The following NMUR2 variants were observed in gnomAD, a reference collection of about 807,000 sequenced individuals.
NMUR2 encodes the protein neuromedin-U receptor 2.
A neutral mutation model predicts 25.1 loss-of-function variants in NMUR2; 24 were observed. The observed-to-expected ratio is 0.96, with a 90% CI of 0.69 to 1.34. NMUR2 has a LOEUF of 1.34. Among genes scored for constraint, NMUR2 ranks in the 40% most tolerant of loss-of-function variants. The probability of loss-of-function intolerance (pLI) is 0.00; values close to 1 mark genes in which losing one functional copy is unlikely to be tolerated. For synonymous variants in NMUR2, 218 were observed against 208.1 expected (o/e 1.05, Z -0.41); for missense variants, 533 against 512.8 (o/e 1.04, Z -0.38).
intron 1 of NMUR2, among the ~76,000 whole-genome samples, chr5:152,403,120 A>G (rs1293772304): frequency 1.3e-5 from 2 of 152,128 alleles, no homozygotes; most frequent in Admixed American, 6.5e-5. Flanking sequence ...TAAAACTCAC[A>G]TTACTTCAGC....
At chr5:152,392,569 A>G in intron 3 of NMUR2, 68 bp from the exon 4 acceptor site, 2 of 1,272,994 alleles carry the variant, frequency 1.6e-6, no homozygotes, top group Non-Finnish European at 2.2e-6. Flanking sequence ...AGGAAGAAGC[A>G]TAAATATTTA....
chr5:152,392,551 C>A (rs758798417), intron 3 of NMUR2, 50 bp from the exon 4 acceptor site: 1 of 1,426,576 alleles, frequency 7.0e-7, no homozygotes, highest in South Asian at 1.3e-5. Context: ...CTTAAGTGAC[C>A]GGCATGAAGG....
chr5:152,391,830 T>G lies in NMUR2; in HGVS notation c.*361A>C. 1 of 185,392 alleles carries G rather than the reference T, an allele frequency of 5.4e-6. No homozygotes were observed. 11.5% of individuals were successfully genotyped at this position (185,392 alleles called of 1,614,324 possible). A position where few individuals can be genotyped will look rare whatever the true frequency, so the allele number is the denominator to read the frequency against. On this transcript the variant is annotated 3_prime_UTR_variant, in exon 4 of 4. Coordinates refer to ENST00000255262, the MANE Select transcript of NMUR2 (RefSeq NM_020167.5). ...TTCCTTCTGTGGCTCACAGTGGCCA[T>G]TGGTAGTAGGAGTGACAGCCTGACT...
At chr5:152,402,825 G>T (rs982207795) in intron 1 of NMUR2, among the ~76,000 whole-genome samples, 2 of 152,174 alleles carry the variant, frequency 1.3e-5, no homozygotes, top group Admixed American at 1.3e-4. Flanking sequence ...TGGGAATACA[G>T]GTGCTAGCCC....
Position 152,392,252 on chromosome 5 carries a change from G to C in NMUR2, c.1187C>G (p.Ala396Gly). 1 of 1,613,786 alleles carries C rather than the reference G, an allele frequency of 6.2e-7. No individual in the cohort carries two copies. Among genetic ancestry groups the C allele is most frequent in the Non-Finnish European group, 8.5e-7 (1 of 1,179,764 alleles). ...SSMHNSHLPA[A>G]LSSEQMSRTN... ...TCTTGACATCTGTTCACTAGAGAGGGCTGCTGGGAGGTGAGAGTTGTGCAT... is the reference window on the plus strand; with the variant it reads ...TCTTGACATCTGTTCACTAGAGAGGCCTGCTGGGAGGTGAGAGTTGTGCAT... The change falls in exon 4 of 4, where the codon GCC becomes GGC. Residue 396 changes from alanine (A) to glycine (G), a missense_variant. By Grantham distance (60) the Ala-to-Gly change is moderately conservative. Transcript: ENST00000255262.
chr5:152,404,767 G>A lies in NMUR2; in HGVS notation c.347C>T (p.Pro116Leu), dbSNP rs1403781385. Reference sequence around the variant, plus strand: ...GGCCGTCTTGAAGTAGCAGCCCACGGGCCCGAACAAGAAAGGGTAGTTGCG... The same window carrying A: ...GGCCGTCTTGAAGTAGCAGCCCACGAGCCCGAACAAGAAAGGGTAGTTGCG... ...MWRNYPFLFG[P>L]VGCYFKTALF... Residue 116 changes from proline to leucine, a missense_variant, in exon 1 of 4, where the codon CCC (proline) becomes CTC (leucine). Pro to Leu is a moderately conservative substitution (Grantham distance 98). Coordinates refer to ENST00000255262, the MANE Select transcript of NMUR2 (RefSeq NM_020167.5). The A allele has an allele frequency of 1.2e-6, 2 of 1,614,144 alleles. No individual in the cohort carries two copies. Among genetic ancestry groups the A allele is most frequent in the Non-Finnish European group, 1.7e-6 (2 of 1,180,032 alleles).
intron 1 of NMUR2, among the ~76,000 whole-genome samples, chr5:152,398,753 A>G (rs1254034999): frequency 6.6e-6 from 1 of 152,182 alleles, no homozygotes; most frequent in Non-Finnish European, 1.5e-5. Context: ...TGAGTAAACA[A>G]TATTTTCCCC....
chr5:152,396,458 A>G (rs17448511), intron 2 of NMUR2, among the ~76,000 whole-genome samples: 22,021 of 152,094 alleles, frequency 0.14, 2,084 homozygotes, highest in Admixed American at 0.24. Context: ...AGTATTATAC[A>G]TGCATTTCCT....
intron 1 of NMUR2, among the ~76,000 whole-genome samples, chr5:152,403,443 C>A (rs1753292350): frequency 1.3e-5 from 2 of 152,028 alleles, no homozygotes; most frequent in Admixed American, 6.6e-5. Flanking sequence ...CTAATTCCTA[C>A]CCTTATTAAA....
At chr5:152,404,329 T>C in intron 1 of NMUR2, 59 bp downstream of exon 1, 1 of 1,528,918 alleles carries the variant, frequency 6.5e-7, no homozygotes, top group South Asian at 1.3e-5. Flanking sequence ...TTCTCTGAAC[T>C]TTGAGCCTGT....
chr5:152,394,164 C>T (rs1215412753), intron 3 of NMUR2, among the ~76,000 whole-genome samples: 1 of 152,026 alleles, frequency 6.6e-6, no homozygotes, highest in Non-Finnish European at 1.5e-5. Context: ...CTCATTTGAC[C>T]TTGTAGTGCT....
chr5:152,399,768 T>G (rs1395686476), intron 1 of NMUR2, among the ~76,000 whole-genome samples: 1 of 152,106 alleles, frequency 6.6e-6, no homozygotes, highest in African/African-American at 2.4e-5. Context: ...TTACCCAGGG[T>G]TGGAGTCTCT....
chr5:152,395,470 T>C lies in NMUR2; in HGVS notation c.926A>G (p.His309Arg), dbSNP rs1275138562. 6.2e-7 allele frequency: 1 copy of C among 1,613,466 alleles called. No homozygotes were observed. Among genetic ancestry groups the C allele is most frequent in the Non-Finnish European group, 8.5e-7 (1 of 1,179,646 alleles). The change falls in exon 3 of 4, where the codon CAT becomes CGT. Residue 309 changes from histidine to arginine, a missense_variant. Physicochemically the swap from His to Arg is conservative, Grantham distance 29 (BLOSUM62 0). Transcript: ENST00000255262. Reference sequence around the variant, plus strand: ...AGCTAAGGTTTTACCTGACACCACATGGACGAGGTTGAACACAGCAGCCAG... The same window carrying C: ...AGCTAAGGTTTTACCTGACACCACACGGACGAGGTTGAACACAGCAGCCAG... ...ESLAAVFNLVHVVSGVFFYLS... is the reference protein window; with the variant it reads ...ESLAAVFNLVRVVSGVFFYLS...
chr5:152,398,817 A>G (rs72791445), intron 1 of NMUR2, among the ~76,000 whole-genome samples: 22,050 of 152,182 alleles, frequency 0.14, 2,091 homozygotes, highest in Admixed American at 0.24. Context: ...AAATTGGGAA[A>G]TGTTGTTTTA....
chr5:152,400,384 T>C (rs1753231944), intron 1 of NMUR2, among the ~76,000 whole-genome samples: 1 of 152,186 alleles, frequency 6.6e-6, no homozygotes, highest in African/African-American at 2.4e-5. Context: ...CAGCAAGTTG[T>C]ATATTACTGT....
At chr5:152,396,069 A>C (rs1367407831) in intron 2 of NMUR2, among the ~76,000 whole-genome samples, 1 of 152,112 alleles carries the variant, frequency 6.6e-6, no homozygotes, top group African/African-American at 2.4e-5. Flanking sequence ...TTTGATTGGA[A>C]GGGGTGTGTC....
chr5:152,395,696 T>G (rs1454760350), intron 2 of NMUR2, 112 bp from the exon 3 acceptor site: 12 of 1,320,418 alleles, frequency 9.1e-6, no homozygotes, highest in Non-Finnish European at 1.2e-5. Flanking sequence ...TCAACTTTGT[T>G]AAGCTATAAC....
At chr5:152,396,563 A>G (rs1323721096) in intron 2 of NMUR2, among the ~76,000 whole-genome samples, 2 of 152,120 alleles carry the variant, frequency 1.3e-5, no homozygotes, top group African/African-American at 2.4e-5. Context: ...AACCCAAGAA[A>G]AGTCCCTAAT....
chr5:152,395,837 T>A (rs1263645315), intron 2 of NMUR2, among the ~76,000 whole-genome samples: 1 of 151,922 alleles, frequency 6.6e-6, no homozygotes, highest in African/African-American at 2.4e-5. Context: ...GTAAAACTTT[T>A]TAGAACATTT....
Sources: allele counts gnomAD v4.1 joint callset (sites outside exome capture counted in the v4.1 genomes callset), GRCh38; gene constraint gnomAD v4.1.1; transcripts MANE v1.5; gene names NCBI Gene and HGNC (gene_info 2026-07-23, HGNC 2026-07-21).